TENM1: variants seen among roughly 807,000 people sequenced by gnomAD.
TENM1 encodes the protein teneurin-1.
TENM1 carries 35 observed loss-of-function variants against 174.8 expected under a neutral mutation model. The observed-to-expected ratio is 0.20, with a 90% CI of 0.15 to 0.27. The LOEUF is 0.27. Among genes scored for constraint, TENM1 ranks in the 10% least tolerant of loss-of-function variants. The probability of loss-of-function intolerance (pLI) is 1.00; values close to 1 mark genes in which losing one functional copy is unlikely to be tolerated. For synonymous variants in TENM1, 781 were observed against 798.7 expected, an observed-to-expected ratio of 0.98 and a Z score of 0.37; for missense variants, 1,633 against 2,130.1, an observed-to-expected ratio of 0.77 and a Z score of 4.59.
intron 18 of TENM1, among the ~76,000 whole-genome samples, chrX:124,510,685 A>G (rs2047559882): frequency 9.0e-6 from 1 of 110,586 alleles, no homozygotes; most frequent in African/African-American, 3.3e-5. Context: ...TGGGCTTATC[A>G]TCTTACCAAT....
intron 3 of TENM1, among the ~76,000 whole-genome samples, chrX:124,861,070 C>T (rs2056903078): frequency 8.9e-6 from 1 of 111,987 alleles, no homozygotes; most frequent in South Asian, 3.7e-4. Flanking sequence ...TTCCCAAATC[C>T]TTACTTCTCC....
At chrX:124,922,267 G>T (rs970830961) in intron 1 of TENM1, among the ~76,000 whole-genome samples, 2 of 111,213 alleles carry the variant, frequency 1.8e-5, no homozygotes, top group East Asian at 5.7e-4. Flanking sequence ...ATATAGATGA[G>T]AAAACCATTT....
intron 10 of TENM1, among the ~76,000 whole-genome samples, chrX:124,644,519 G>A (rs1373420386): frequency 1.8e-5 from 2 of 110,070 alleles, no homozygotes; most frequent in Non-Finnish European, 3.8e-5. Context: ...TTATTTTCCA[G>A]TGCGTCTCTT....
intron 1 of TENM1, among the ~76,000 whole-genome samples, chrX:124,918,326 C>T (rs1372269393): frequency 6.4e-5 from 7 of 110,074 alleles, no homozygotes; most frequent in East Asian, 5.7e-4. Flanking sequence ...ACTACAGGCG[C>T]GTGCCACCAC....
At chrX:124,724,272 G>C (rs985786170) in intron 4 of TENM1, among the ~76,000 whole-genome samples, 2 of 112,046 alleles carry the variant, frequency 1.8e-5, no homozygotes, top group African/African-American at 3.2e-5. Flanking sequence ...TTTGTTGAAC[G>C]ATATGAGCCA....
chrX:124,966,478 C>A (rs1348072065), upstream of TENM1, among the ~76,000 whole-genome samples: 4 of 109,539 alleles, frequency 3.7e-5, no homozygotes, highest in East Asian at 1.1e-3. Flanking sequence ...CTGGCTAACA[C>A]GGTGAAACCC....
chrX:124,877,203 C>T (rs1041174357), intron 3 of TENM1, among the ~76,000 whole-genome samples: 1 of 112,180 alleles, frequency 8.9e-6, no homozygotes, highest in East Asian at 2.8e-4. Flanking sequence ...GTTCAATTAA[C>T]GCACTGCAGA....
chrX:124,957,578 C>CAAAA (rs1225936775), intron 1 of TENM1, among the ~76,000 whole-genome samples: 5 of 31,030 alleles, frequency 1.6e-4, no homozygotes, highest in African/African-American at 5.4e-4. Flanking sequence ...AACTCCAACT[C>CAAAA]AAAAAAAAAA....
chrX:124,578,815 C>A (rs1167213233), intron 11 of TENM1, among the ~76,000 whole-genome samples: 5 of 111,548 alleles, frequency 4.5e-5, no homozygotes, highest in Non-Finnish European at 9.4e-5. Flanking sequence ...CTGGCCAGCC[C>A]CTCACTTTGA....
intron 18 of TENM1, among the ~76,000 whole-genome samples, chrX:124,504,089 G>A (rs1427494912): frequency 2.7e-5 from 3 of 111,766 alleles, no homozygotes; most frequent in African/African-American, 9.8e-5. Flanking sequence ...AGAAGTGCAG[G>A]TAGGGCTGGT....
the TENM1 span, among the ~76,000 whole-genome samples, chrX:125,174,134 G>T: frequency 2.7e-5 from 3 of 111,293 alleles, no homozygotes; most frequent in African/African-American, 9.8e-5. Context: ...ATCCAACCTC[G>T]GAAATATGAT....
chrX:125,057,068 C>T, the TENM1 span, among the ~76,000 whole-genome samples: 1 of 111,378 alleles, frequency 9.0e-6, no homozygotes, highest in South Asian at 3.7e-4. Flanking sequence ...AAATTTTTAA[C>T]GAAGACAGTA....
intron 11 of TENM1, among the ~76,000 whole-genome samples, chrX:124,588,316 A>T (rs2049609298): frequency 8.9e-6 from 1 of 111,895 alleles, no homozygotes; most frequent in African/African-American, 3.3e-5. Flanking sequence ...GATAGACTGG[A>T]TTAAAAAAAT....
At chrX:125,049,395 C>T in the TENM1 span, among the ~76,000 whole-genome samples, 1 of 111,813 alleles carries the variant, frequency 8.9e-6, no homozygotes, top group South Asian at 3.7e-4. Context: ...TAGGTTTATC[C>T]CTGTTATAGT....
At chrX:124,620,570 T>C (rs1327587099) in intron 11 of TENM1, among the ~76,000 whole-genome samples, 1 of 112,241 alleles carries the variant, frequency 8.9e-6, no homozygotes, top group Non-Finnish European at 1.9e-5. Context: ...ATATTCCAAA[T>C]GCACCCTAAT....
chrX:124,948,250 A>G (rs6608226), intron 1 of TENM1, among the ~76,000 whole-genome samples: 9,003 of 111,684 alleles, frequency 0.081, 880 homozygotes, highest in African/African-American at 0.28. Flanking sequence ...GATGAAGAAC[A>G]CTATGGGGAA....
chrX:124,725,246 C>G (rs747327048), intron 4 of TENM1, among the ~76,000 whole-genome samples: 20 of 111,001 alleles, frequency 1.8e-4, no homozygotes, highest in East Asian at 5.6e-4. Context: ...GCTCTCTCCC[C>G]CTACTAGATT....
At chrX:124,745,542 C>T (rs1191430991) in intron 3 of TENM1, among the ~76,000 whole-genome samples, 2 of 111,144 alleles carry the variant, frequency 1.8e-5, no homozygotes, top group South Asian at 3.8e-4. Context: ...GGTGATGCCT[C>T]TAATAGTGCC....
At chrX:124,943,987 T>C (rs1363029682) in intron 1 of TENM1, among the ~76,000 whole-genome samples, 1 of 111,780 alleles carries the variant, frequency 8.9e-6, no homozygotes, top group Non-Finnish European at 1.9e-5. Flanking sequence ...GAAATTAACA[T>C]ACCAGTAAAT....
Sources: gnomAD v4.1 joint callset for allele counts (sites outside exome capture counted in the v4.1 genomes callset) on GRCh38, gnomAD v4.1.1 for gene constraint, MANE v1.5 for transcripts, NCBI Gene and HGNC (gene_info 2026-07-23, HGNC 2026-07-21) for gene names.